Variants in OR9Q1 observed in about 807,000 individuals in gnomAD.
The protein encoded by OR9Q1 is olfactory receptor 9Q1.
For synonymous variants in OR9Q1, 153 were observed against 148.6 expected, an observed-to-expected ratio of 1.03 and a Z score of -0.22; for missense variants, 374 against 378.8, an observed-to-expected ratio of 0.99 and a Z score of 0.11.
intron 2 of OR9Q1, among the ~76,000 whole-genome samples, chr11:58,129,236 CGTGTGTGTGTGTGTGTGTGT>C (rs59902083): frequency 0.032 from 4,568 of 144,836 alleles, 228 homozygotes; most frequent in African/African-American, 0.11. Flanking sequence ...CAGAGCAATT[CGTGTGTGTGTGTGTGTGTGT>C]GTGTGTGTGT....
chr11:58,043,703 ACCCCTTG>A (rs1853188762), intron 1 of OR9Q1, among the ~76,000 whole-genome samples: 2 of 152,282 alleles, frequency 1.3e-5, no homozygotes, highest in South Asian at 4.1e-4. Flanking sequence ...GTCACATGCC[ACCCCTTG>A]CATTGCCAAG....
At chr11:58,066,762 A>C (rs1056585110) in intron 2 of OR9Q1, among the ~76,000 whole-genome samples, 1 of 152,120 alleles carries the variant, frequency 6.6e-6, no homozygotes, top group Non-Finnish European at 1.5e-5. Flanking sequence ...TTTATGAAGA[A>C]GTCAGACTTC....
At chr11:58,153,261 T>C (rs2119900414) in intron 2 of OR9Q1, among the ~76,000 whole-genome samples, 1 of 152,340 alleles carries the variant, frequency 6.6e-6, no homozygotes, top group African/African-American at 2.4e-5. Flanking sequence ...TCTCTTCTTT[T>C]GTTTAGTGTT....
At chr11:58,078,912 G>T (rs1853564510) in intron 2 of OR9Q1, among the ~76,000 whole-genome samples, 2 of 152,158 alleles carry the variant, frequency 1.3e-5, no homozygotes, top group Non-Finnish European at 2.9e-5. Context: ...GAAAAGACTT[G>T]GCAAAGACAT....
intron 1 of OR9Q1, chr11:58,031,427 A>T: frequency 6.2e-7 from 1 of 1,614,016 alleles, no homozygotes; most frequent in Non-Finnish European, 8.5e-7. Flanking sequence ...AGGTTTCCTC[A>T]CACCCATCTT....
At chr11:58,078,319 C>T (rs1242641614) in intron 2 of OR9Q1, 1 of 152,218 alleles carries the variant, frequency 6.6e-6, no homozygotes, top group African/African-American at 2.4e-5. Flanking sequence ...GAAAAAGGAC[C>T]TCATTGCTTT....
intron 2 of OR9Q1, chr11:58,119,038 A>G: frequency 6.2e-7 from 1 of 1,614,042 alleles, no homozygotes; most frequent in South Asian, 1.1e-5. Flanking sequence ...CCTGGGATTC[A>G]TGGCCACGGT....
intron 2 of OR9Q1, among the ~76,000 whole-genome samples, chr11:58,131,824 C>A (rs1007787215): frequency 2.0e-5 from 3 of 152,036 alleles, no homozygotes; most frequent in Admixed American, 1.3e-4. Context: ...GGCTTATAGG[C>A]CTCTCCCACT....
At chr11:58,125,949 T>C (rs2119827251) in intron 2 of OR9Q1, among the ~76,000 whole-genome samples, 1 of 152,268 alleles carries the variant, frequency 6.6e-6, no homozygotes, top group African/African-American at 2.4e-5. Flanking sequence ...AAGTTCTCTT[T>C]ACAACACACT....
intron 2 of OR9Q1, among the ~76,000 whole-genome samples, chr11:58,094,246 CACATAG>C (rs1336911280): frequency 1.3e-5 from 2 of 151,990 alleles, no homozygotes; most frequent in Admixed American, 1.3e-4. Context: ...ATAATGTGTA[CACATAG>C]ACATAGACTG....
intron 2 of OR9Q1, chr11:58,057,889 T>C (rs1853342942): frequency 6.6e-6 from 1 of 152,234 alleles, no homozygotes; most frequent in African/African-American, 2.4e-5. Flanking sequence ...GCATGATCTC[T>C]TATTTTCATA....
At chr11:58,132,363 C>A (rs189075349) in intron 2 of OR9Q1, among the ~76,000 whole-genome samples, 9 of 152,308 alleles carry the variant, frequency 5.9e-5, no homozygotes, top group African/African-American at 1.7e-4. Flanking sequence ...AGTCTCAGCT[C>A]TTCTTCTTAC....
intron 2 of OR9Q1, among the ~76,000 whole-genome samples, chr11:58,085,251 T>A (rs775389727): frequency 1.1e-4 from 16 of 151,904 alleles, no homozygotes; most frequent in Non-Finnish European, 2.1e-4. Flanking sequence ...TGTTGAGGTA[T>A]AATTAATAGA....
intron 2 of OR9Q1, among the ~76,000 whole-genome samples, chr11:58,082,262 G>T (rs1372165984): frequency 1.3e-5 from 2 of 151,866 alleles, no homozygotes; most frequent in Non-Finnish European, 2.9e-5. Context: ...CCATTACTGG[G>T]AATATACCCA....
intron 2 of OR9Q1, chr11:58,118,752 T>A (rs768847678): frequency 6.2e-7 from 1 of 1,614,092 alleles, no homozygotes; most frequent in Admixed American, 1.7e-5. Flanking sequence ...CCCTGCCACC[T>A]GAAGACTTCA....
chr11:58,062,148 A>G (rs1853385911), intron 2 of OR9Q1, among the ~76,000 whole-genome samples: 1 of 152,212 alleles, frequency 6.6e-6, no homozygotes, highest in Non-Finnish European at 1.5e-5. Context: ...TTGGCTGGTC[A>G]GTGTATTCTC....
chr11:58,075,035 A>G (rs1853526362), intron 2 of OR9Q1, among the ~76,000 whole-genome samples: 2 of 152,180 alleles, frequency 1.3e-5, no homozygotes, highest in South Asian at 4.1e-4. Flanking sequence ...GAAGTCAGGT[A>G]GCATGATGCC....
intron 1 of OR9Q1, among the ~76,000 whole-genome samples, chr11:58,048,677 A>ATATATATATATAT (rs796426109): frequency 3.6e-5 from 4 of 109,822 alleles, no homozygotes; most frequent in East Asian, 5.2e-4. Context: ...CTTAAAAAAA[A>ATATATATATATAT]AAATATATAT....
intron 2 of OR9Q1, among the ~76,000 whole-genome samples, chr11:58,137,970 A>G (rs2119858738): frequency 6.6e-6 from 1 of 152,316 alleles, no homozygotes; most frequent in Admixed American, 6.5e-5. Context: ...AACAGGATGC[A>G]TCATTTGAGG....
Sources: gnomAD v4.1 joint callset for allele counts (sites outside exome capture counted in the v4.1 genomes callset) on GRCh38, gnomAD v4.1.1 for gene constraint, MANE v1.5 for transcripts, NCBI Gene and HGNC (gene_info 2026-07-23, HGNC 2026-07-21) for gene names.